GNG4: variants seen among roughly 807,000 people sequenced by gnomAD.
GNG4 encodes guanine nucleotide-binding protein G(I)/G(S)/G(O) subunit gamma-4.
A neutral mutation model predicts 5.8 loss-of-function variants in GNG4; 4 were observed. The ratio of observed to expected loss-of-function variants is 0.69; its 90% CI spans 0.34 to 1.57. The LOEUF (loss-of-function observed/expected upper bound fraction) is 1.57, where lower values mean the gene tolerates loss of function less well. Among genes scored for constraint, GNG4 ranks in the 40% most tolerant of loss-of-function variants. The pLI, the probability that GNG4 is intolerant of heterozygous loss-of-function variation, is 0.06. For synonymous variants in GNG4, 29 were observed against 32.9 expected, an observed-to-expected ratio of 0.88 and a Z score of 0.41; for missense variants, 96 against 95.1, an observed-to-expected ratio of 1.01 and a Z score of -0.04.
chr1:235,559,299 G>C (rs970463111), intron 3 of GNG4, among the ~76,000 whole-genome samples: 4 of 152,164 alleles, frequency 2.6e-5, no homozygotes, highest in African/African-American at 9.7e-5. Flanking sequence ...TTTTTACACG[G>C]TGAAATTTGG....
At chr1:235,602,238 C>T (rs1410044588) in intron 1 of GNG4, among the ~76,000 whole-genome samples, 1 of 152,122 alleles carries the variant, frequency 6.6e-6, no homozygotes, top group African/African-American at 2.4e-5. Flanking sequence ...CGCCATTGCA[C>T]TCCAGCCTGG....
At chr1:235,638,897 G>T (rs1014128872) in intron 1 of GNG4, among the ~76,000 whole-genome samples, 1 of 151,986 alleles carries the variant, frequency 6.6e-6, no homozygotes, top group Non-Finnish European at 1.5e-5. Flanking sequence ...TCTTTATCCA[G>T]TCTATCATTG....
intron 1 of GNG4, among the ~76,000 whole-genome samples, chr1:235,605,155 A>G (rs140672202): frequency 8.2e-4 from 125 of 152,232 alleles, no homozygotes; most frequent in African/African-American, 2.8e-3. Context: ...ATCTCACTGA[A>G]GAAATGAGGA....
intron 1 of GNG4, among the ~76,000 whole-genome samples, chr1:235,609,415 A>T (rs1159024032): frequency 6.6e-6 from 1 of 151,582 alleles, no homozygotes; most frequent in Non-Finnish European, 1.5e-5. Context: ...GTTATTTTCC[A>T]CTTTTTGGGT....
intron 3 of GNG4, among the ~76,000 whole-genome samples, chr1:235,560,198 T>C (rs1406585692): frequency 1.3e-5 from 2 of 152,166 alleles, no homozygotes; most frequent in African/African-American, 4.8e-5. Flanking sequence ...ATGGATGCCA[T>C]CATATATTGC....
intron 1 of GNG4, among the ~76,000 whole-genome samples, chr1:235,613,824 T>C (rs1381124692): frequency 1.2e-4 from 19 of 152,214 alleles, no homozygotes; most frequent in East Asian, 1.9e-4. Context: ...GTTGCCAAGG[T>C]TGGGTTCTCA....
At chr1:235,610,711 C>T (rs974999618) in intron 1 of GNG4, among the ~76,000 whole-genome samples, 4 of 152,194 alleles carry the variant, frequency 2.6e-5, no homozygotes, top group Admixed American at 6.5e-5. Flanking sequence ...TAGAAAAAGG[C>T]TCCTGTTTCA....
rs756488380 is a variant in GNG4, at chr1:235,648,425, G to A, written c.-123+1237C>T. On this transcript the variant is annotated intron_variant, in intron 1 of 3. Transcript: ENST00000391854. The surrounding 1 kb of genome is among the most constrained non-coding windows in gnomAD (Gnocchi z 5.0). ...TGTCTGTTTCTCCGGGCTGGAAAAG[G>A]CTTTCCATTTATCAACTTAGTTGTC... Among the ~76,000 whole-genome samples the A allele has an allele frequency of 1.3e-5, 2 of 152,188 alleles. No individual in the cohort carries two copies. Among genetic ancestry groups the A allele is most frequent in the South Asian group, 2.1e-4 (1 of 4,838 alleles).
At chr1:235,612,037 C>T (rs1316238128) in intron 1 of GNG4, among the ~76,000 whole-genome samples, 1 of 123,314 alleles carries the variant, frequency 8.1e-6, no homozygotes, top group Admixed American at 1.1e-4. Flanking sequence ...GCACTCCAGC[C>T]TGGGCGACAG....
At chr1:235,606,382 A>T (rs573574043) in intron 1 of GNG4, among the ~76,000 whole-genome samples, 5 of 152,060 alleles carry the variant, frequency 3.3e-5, no homozygotes, top group Admixed American at 2.6e-4. Flanking sequence ...ACTCCGTCTT[A>T]AAAAAAAGAA....
At chr1:235,643,365 GTCA>G (rs1463421869) in intron 1 of GNG4, among the ~76,000 whole-genome samples, 8 of 152,130 alleles carry the variant, frequency 5.3e-5, no homozygotes, top group Non-Finnish European at 7.4e-5. Context: ...TCCCTCTGTT[GTCA>G]CACGCTTTCT....
chr1:235,552,022 G>T lies in GNG4; in HGVS notation c.*87C>A. The T allele has an allele frequency of 1.7e-6, 2 of 1,206,932 alleles. No homozygotes were observed. The highest frequency in any genetic ancestry group is 2.4e-6 in the Non-Finnish European group (2 of 822,058). 74.8% of individuals were successfully genotyped at this position (1,206,932 alleles called of 1,614,324 possible). Reference sequence around the variant, plus strand: ...GTTGGCTGGGCAGGGATGGGTGTTGGTCTCACTCCCTAAGGCTTAGAGCAT... The same window carrying T: ...GTTGGCTGGGCAGGGATGGGTGTTGTTCTCACTCCCTAAGGCTTAGAGCAT... On this transcript the variant is annotated 3_prime_UTR_variant, in exon 4 of 4. Transcript: ENST00000391854.
intron 1 of GNG4, among the ~76,000 whole-genome samples, chr1:235,627,947 G>A (rs556989382): frequency 1.8e-4 from 28 of 152,246 alleles, no homozygotes; most frequent in African/African-American, 5.5e-4. Context: ...TTGGGAGGCC[G>A]AGGTGGGAGG....
chr1:235,628,681 T>G (rs1688871518), intron 1 of GNG4, among the ~76,000 whole-genome samples: 1 of 152,208 alleles, frequency 6.6e-6, no homozygotes. Flanking sequence ...GATTTGCGTT[T>G]TAAAACATTT....
intron 1 of GNG4, among the ~76,000 whole-genome samples, chr1:235,635,497 G>A (rs981879994): frequency 1.0e-5 from 1 of 98,764 alleles, no homozygotes; most frequent in Admixed American, 9.9e-5. Context: ...ACTCCATCTC[G>A]GCGGGGAAAA....
intron 2 of GNG4, among the ~76,000 whole-genome samples, chr1:235,587,186 AGTGT>A (rs1353765617): frequency 8.8e-5 from 11 of 124,888 alleles, no homozygotes; most frequent in African/African-American, 1.6e-4. Flanking sequence ...TGTGGGGGTG[AGTGT>A]GTGTGACAGA....
chr1:235,619,372 G>C (rs1000652837), intron 1 of GNG4, among the ~76,000 whole-genome samples: 96 of 151,840 alleles, frequency 6.3e-4, no homozygotes, highest in African/African-American at 2.3e-3. Flanking sequence ...ACTCCGGCCT[G>C]GGTGACAGAG....
At chr1:235,573,708 C>T (rs901881762) in intron 3 of GNG4, among the ~76,000 whole-genome samples, 2 of 152,024 alleles carry the variant, frequency 1.3e-5, no homozygotes, top group Admixed American at 6.5e-5. Flanking sequence ...ACCCGAGAGG[C>T]GGAGGTTGCA....
At chr1:235,561,094 C>G (rs1369706395) in intron 3 of GNG4, among the ~76,000 whole-genome samples, 1 of 152,222 alleles carries the variant, frequency 6.6e-6, no homozygotes, top group Non-Finnish European at 1.5e-5. Context: ...ACTGCAAGCT[C>G]CACCTCACGG....
Sources: gnomAD v4.1 joint callset for allele counts (sites outside exome capture counted in the v4.1 genomes callset) on GRCh38, gnomAD v4.1.1 for gene constraint, Gnocchi (gnomAD v3.1) non-coding constraint, MANE v1.5 for transcripts, NCBI Gene and HGNC (gene_info 2026-07-23, HGNC 2026-07-21) for gene names.